The following CNTN4 variants were observed in gnomAD, a reference collection of about 807,000 sequenced individuals.
The protein encoded by CNTN4 is contactin 4.
A neutral mutation model predicts 122.5 loss-of-function variants in CNTN4; 77 were observed. That is an observed-to-expected ratio of 0.63 (90% confidence interval 0.52 to 0.76). CNTN4 has a LOEUF of 0.76. Among genes scored for constraint, CNTN4 ranks in the 30% least tolerant of loss-of-function variants. CNTN4 has a pLI of 0.00. For missense variants in CNTN4, 1,256 were observed against 1,259.1 expected, an observed-to-expected ratio of 1.00 and a Z score of 0.04; for synonymous variants, 512 against 447.0, an observed-to-expected ratio of 1.15 and a Z score of -1.83.
chr3:2,451,847 A>G (rs1022053447), intron 3 of CNTN4, among the ~76,000 whole-genome samples: 1 of 152,164 alleles, frequency 6.6e-6, no homozygotes, highest in Non-Finnish European at 1.5e-5. Flanking sequence ...GAGTCACTGC[A>G]TCAATGTACT....
intron 2 of CNTN4, among the ~76,000 whole-genome samples, chr3:2,213,702 CT>C (rs1433558615): frequency 6.6e-6 from 1 of 152,178 alleles, no homozygotes; most frequent in African/African-American, 2.4e-5. Context: ...AGCTTTCCCC[CT>C]GAAAAGCAAG....
At chr3:2,270,453 A>T (rs930647487) in intron 2 of CNTN4, among the ~76,000 whole-genome samples, 2 of 131,434 alleles carry the variant, frequency 1.5e-5, no homozygotes, top group Non-Finnish European at 3.2e-5. Context: ...AGAGGCACAG[A>T]GGGTATATAT....
intron 2 of CNTN4, among the ~76,000 whole-genome samples, chr3:2,239,498 G>A (rs976680049): frequency 1.3e-5 from 2 of 151,798 alleles, no homozygotes; most frequent in South Asian, 2.1e-4. Context: ...GCAGTGTAGA[G>A]CAAGTCTTGT....
chr3:2,243,058 A>G (rs1039286288), intron 2 of CNTN4, among the ~76,000 whole-genome samples: 2 of 152,130 alleles, frequency 1.3e-5, no homozygotes, highest in African/African-American at 2.4e-5. Context: ...TTGCCTCATC[A>G]TCTCAGCTCT....
chr3:2,929,417 A>G (rs1044248218), intron 13 of CNTN4, among the ~76,000 whole-genome samples: 1 of 152,268 alleles, frequency 6.6e-6, no homozygotes, highest in African/African-American at 2.4e-5. Flanking sequence ...ATTAATAAAA[A>G]TCCTAGAATC....
chr3:2,239,361 A>T (rs190285469), intron 2 of CNTN4, among the ~76,000 whole-genome samples: 1 of 152,308 alleles, frequency 6.6e-6, no homozygotes, highest in Admixed American at 6.5e-5. Context: ...AACTCTGCTA[A>T]TGCTTGTCTA....
At chr3:2,129,811 G>C (rs530847299) in intron 2 of CNTN4, among the ~76,000 whole-genome samples, 3 of 151,704 alleles carry the variant, frequency 2.0e-5, no homozygotes, top group East Asian at 3.9e-4. Flanking sequence ...AAAATACATA[G>C]TATATATATA....
chr3:2,334,635 G>T (rs754631843), intron 2 of CNTN4, among the ~76,000 whole-genome samples: 13 of 152,144 alleles, frequency 8.5e-5, no homozygotes, highest in African/African-American at 3.1e-4. Flanking sequence ...ATTATTTAAA[G>T]GCATAATGTA....
At chr3:2,928,487 C>T (rs1262186330) in intron 13 of CNTN4, among the ~76,000 whole-genome samples, 2 of 152,128 alleles carry the variant, frequency 1.3e-5, no homozygotes, top group African/African-American at 4.8e-5. Flanking sequence ...AAGGATTGAC[C>T]TGGTAGACCA....
intron 2 of CNTN4, among the ~76,000 whole-genome samples, chr3:2,292,003 T>C (rs2042152820): frequency 6.6e-6 from 1 of 152,194 alleles, no homozygotes; most frequent in African/African-American, 2.4e-5. Flanking sequence ...CCCAAAGTGC[T>C]GGGATTACAG....
At chr3:2,491,437 A>G (rs1404358539) in intron 3 of CNTN4, among the ~76,000 whole-genome samples, 1 of 152,190 alleles carries the variant, frequency 6.6e-6, no homozygotes, top group Non-Finnish European at 1.5e-5. Context: ...ATAAAATGTC[A>G]ACTGCTATTG....
intron 3 of CNTN4, among the ~76,000 whole-genome samples, chr3:2,389,611 C>G (rs2046373455): frequency 6.6e-6 from 1 of 152,134 alleles, no homozygotes; most frequent in African/African-American, 2.4e-5. Flanking sequence ...TTACTATGGT[C>G]TATCTCCCTT....
intron 5 of CNTN4, among the ~76,000 whole-genome samples, chr3:2,739,328 C>T (rs1247504337): frequency 6.6e-6 from 1 of 151,786 alleles, no homozygotes; most frequent in African/African-American, 2.4e-5. Flanking sequence ...AAAAAACACT[C>T]CCTAGTAAAG....
intron 3 of CNTN4, among the ~76,000 whole-genome samples, chr3:2,363,392 G>A (rs146320786): frequency 1.5e-3 from 225 of 152,280 alleles, no homozygotes; most frequent in African/African-American, 5.2e-3. Flanking sequence ...AAATGCCCTA[G>A]TAGGTTAAGA....
chr3:2,646,645 G>C (rs531792845), intron 4 of CNTN4, among the ~76,000 whole-genome samples: 1 of 152,154 alleles, frequency 6.6e-6, no homozygotes, highest in African/African-American at 2.4e-5. Context: ...CCTTAACAAA[G>C]TACCACTGAC....
intron 2 of CNTN4, among the ~76,000 whole-genome samples, chr3:2,196,218 A>C (rs1559333055): frequency 6.6e-6 from 1 of 152,174 alleles, no homozygotes. Flanking sequence ...TTATTTGGAA[A>C]GGACTGATAT....
chr3:2,839,734 T>C (rs947476688), intron 7 of CNTN4, among the ~76,000 whole-genome samples: 4 of 151,934 alleles, frequency 2.6e-5, no homozygotes, highest in African/African-American at 9.7e-5. Context: ...CCCAAGGGAG[T>C]GCTCTTAGGG....
Position 2,887,241 on chromosome 3 carries a change from A to G in CNTN4, c.940+17A>G, listed in dbSNP as rs1187182150. ...CTTTCTATGGTAAGTGTATGATTTCAGTTTATCATTTATAGTGCTACAGAA... is the reference window on the plus strand; with the variant it reads ...CTTTCTATGGTAAGTGTATGATTTCGGTTTATCATTTATAGTGCTACAGAA... On this transcript the variant is annotated intron_variant, in intron 10 of 24. Transcript: ENST00000418658. 1.2e-6 allele frequency: 2 copies of G among 1,607,990 alleles called. No individual in the cohort carries two copies. Among genetic ancestry groups the G allele is most frequent in the Admixed American group, 1.7e-5 (1 of 59,996 alleles).
At chr3:3,042,171 T>C in intron 20 of CNTN4, 139 bp from the exon 21 acceptor site, 1 of 705,890 alleles carries the variant, frequency 1.4e-6, no homozygotes, top group Middle Eastern at 2.8e-4. Context: ...TCACTGCCCC[T>C]CTGCAAAATG....
Sources: allele counts gnomAD v4.1 joint callset (sites outside exome capture counted in the v4.1 genomes callset), GRCh38; gene constraint gnomAD v4.1.1; transcripts MANE v1.5; gene names NCBI Gene and HGNC (gene_info 2026-07-23, HGNC 2026-07-21).